VWA5B1: variants seen among roughly 807,000 people sequenced by gnomAD.
The protein encoded by VWA5B1 is von Willebrand factor A domain-containing protein 5B1.
VWA5B1 carries 115 observed loss-of-function variants against 118.2 expected under a neutral mutation model. The ratio of observed to expected loss-of-function variants is 0.97; its 90% CI spans 0.84 to 1.14. VWA5B1 has a LOEUF of 1.14. Ranked by LOEUF, VWA5B1 falls within the 50% of genes most tolerant of loss-of-function variation. The probability of loss-of-function intolerance (pLI) is 0.00; values close to 1 mark genes in which losing one functional copy is unlikely to be tolerated. For missense variants in VWA5B1, 1,596 were observed against 1,603.8 expected, an observed-to-expected ratio of 1.00 and a Z score of 0.08; for synonymous variants, 682 against 658.4, an observed-to-expected ratio of 1.04 and a Z score of -0.55.
At chr1:20,308,538 C>T (rs749468311) in intron 1 of VWA5B1, among the ~76,000 whole-genome samples, 5 of 152,106 alleles carry the variant, frequency 3.3e-5, no homozygotes, top group African/African-American at 9.7e-5. Flanking sequence ...AAATGAAGGC[C>T]GCCATCTTGT....
chr1:20,327,173 A>G (rs973664918), intron 8 of VWA5B1, among the ~76,000 whole-genome samples: 1 of 152,124 alleles, frequency 6.6e-6, no homozygotes, highest in Admixed American at 6.5e-5. Flanking sequence ...AGGCAAAGTG[A>G]CATGGCTTTG....
At chr1:20,327,665 T>C (rs566921818) in intron 8 of VWA5B1, among the ~76,000 whole-genome samples, 21 of 136,050 alleles carry the variant, frequency 1.5e-4, no homozygotes, top group Non-Finnish European at 2.9e-4. Flanking sequence ...ATGATGATGA[T>C]GGTGGTGGTG....
Position 20,354,175 on chromosome 1 carries a change from C to A in VWA5B1, c.3560C>A (p.Ala1187Asp). ...GGCCGCACGCAGGGCACACTCAAGGCCGCTGCCCGCCAGCTGTTTGTGCTT... is the reference window on the plus strand; with the variant it reads ...GGCCGCACGCAGGGCACACTCAAGGACGCTGCCCGCCAGCTGTTTGTGCTT... Reference protein sequence around the residue: ...PEGRTQGTLKAAARQLFVLLR... With the variant: ...PEGRTQGTLKDAARQLFVLLR... Residue 1187 changes from alanine (A) to aspartate (D), a missense_variant, in exon 22 of 22, where the codon GCC becomes GAC. Coordinates refer to ENST00000289815, the MANE Select transcript of VWA5B1 (RefSeq NM_001039500.3). The A allele has an allele frequency of 6.4e-7, 1 of 1,551,296 alleles. No individual in the cohort carries two copies. Among genetic ancestry groups the A allele is most frequent in the Non-Finnish European group, 8.7e-7 (1 of 1,146,998 alleles).
intron 16 of VWA5B1, among the ~76,000 whole-genome samples, chr1:20,344,711 T>G (rs1570216542): frequency 6.6e-6 from 1 of 152,318 alleles, no homozygotes; most frequent in East Asian, 1.9e-4. Context: ...GTTATATCAT[T>G]TCTTTGTCGT....
intron 17 of VWA5B1, among the ~76,000 whole-genome samples, chr1:20,346,546 T>C (rs991006542): frequency 6.6e-6 from 1 of 152,258 alleles, no homozygotes; most frequent in Non-Finnish European, 1.5e-5. Flanking sequence ...AGGATTGCAA[T>C]GTCAAGGGGA....
chr1:20,338,415 TC>T, intron 14 of VWA5B1: 1 of 221,896 alleles, frequency 4.5e-6, no homozygotes, highest in Non-Finnish European at 9.1e-6. Flanking sequence ...AGTGGTGCCA[TC>T]TCAGCTCACT....
At chr1:20,347,665 G>A (rs1331629035) in intron 17 of VWA5B1, among the ~76,000 whole-genome samples, 2 of 151,630 alleles carry the variant, frequency 1.3e-5, no homozygotes, top group African/African-American at 4.8e-5. Flanking sequence ...GCCTCGCTAT[G>A]TTACCCAGGC....
In VWA5B1 at chr1:20,318,697, G is replaced by T. The variant is rs1377289323; in HGVS notation, c.817G>T (p.Val273Leu). Residue 273 changes from valine (V) to leucine (L), a missense_variant, in exon 6 of 22, where the codon GTG (valine) becomes TTG (leucine). Physicochemically the swap from Val to Leu is conservative, Grantham distance 32 (BLOSUM62 1). Coordinates refer to ENST00000289815, the MANE Select transcript of VWA5B1 (RefSeq NM_001039500.3). ...LANKHTFDRP[V>L]EILIHPSEPH... ...CAACAAGCACACCTTTGACCGGCCTGTGGAGATCCTCATCCACCCCAGCGG... is the reference window on the plus strand; with the variant it reads ...CAACAAGCACACCTTTGACCGGCCTTTGGAGATCCTCATCCACCCCAGCGG... 2 of 1,521,758 alleles carry T rather than the reference G, an allele frequency of 1.3e-6. No homozygotes were observed. Among genetic ancestry groups the T allele is most frequent in the East Asian group, 2.5e-5 (1 of 40,474 alleles). The allele number at this position is 1,521,758 out of a possible 1,614,324, so 94.3% of individuals were successfully genotyped here.
At chr1:20,333,122 A>G (rs751851543) in intron 12 of VWA5B1, among the ~76,000 whole-genome samples, 171 bp downstream of exon 12, 5 of 152,262 alleles carry the variant, frequency 3.3e-5, no homozygotes, top group Non-Finnish European at 5.9e-5. Flanking sequence ...GGCCACAGGC[A>G]TTCAATCACA....
rs773094464 is a variant in VWA5B1 at position 20,353,806 on chromosome 1, G to C, written c.3191G>C (p.Cys1064Ser). 66 of 1,481,740 alleles carry C rather than the reference G, an allele frequency of 4.5e-5. No homozygotes were observed. Among genetic ancestry groups the C allele is most frequent in the Non-Finnish European group, 5.7e-5 (64 of 1,113,584 alleles). 91.8% of individuals were successfully genotyped at this position (1,481,740 alleles called of 1,614,324 possible). A position where few individuals can be genotyped will look rare whatever the true frequency, so the allele number is the denominator to read the frequency against. ...GCCTTCCTGCTCAACGAAGCCTTCT[G>C]TGAGGCCACGCACATCCCCATGGAG... ...SGAFLLNEAF[C>S]EATHIPMEKL... The change falls in exon 22 of 22, where the codon TGT (cysteine) becomes TCT (serine). Residue 1064 changes from cysteine (C) to serine (S), a missense_variant. Transcript: ENST00000289815.
At chr1:20,352,003 G>T (rs2101024402) in intron 20 of VWA5B1, 52 bp from the exon 21 acceptor site, 2 of 1,423,782 alleles carry the variant, frequency 1.4e-6, no homozygotes, top group Non-Finnish European at 1.9e-6. Flanking sequence ...GGGGCTTCTG[G>T]GTGGGCACTG....
At chr1:20,319,056 G>T (rs1384743694) in intron 6 of VWA5B1, among the ~76,000 whole-genome samples, 1 of 152,192 alleles carries the variant, frequency 6.6e-6, no homozygotes, top group Non-Finnish European at 1.5e-5. Context: ...TAGCCTCAAG[G>T]AGAAATTCTT....
chr1:20,340,104 C>G (rs2089834826), intron 14 of VWA5B1, among the ~76,000 whole-genome samples: 1 of 152,008 alleles, frequency 6.6e-6, no homozygotes, highest in African/African-American at 2.4e-5. Context: ...GCTCTTCAGA[C>G]CCATCTCTGC....
intron 1 of VWA5B1, among the ~76,000 whole-genome samples, chr1:20,307,235 C>T (rs980388643): frequency 2.0e-5 from 3 of 152,208 alleles, no homozygotes; most frequent in Admixed American, 6.5e-5. Flanking sequence ...CACCCTGACC[C>T]GGAGATGCCA....
At chr1:20,318,388 C>T (rs2100868029) in intron 5 of VWA5B1, 2 of 708,156 alleles carry the variant, frequency 2.8e-6, no homozygotes, top group South Asian at 3.4e-5. Flanking sequence ...CAGGAAGAGT[C>T]ATCAGACACC....
chr1:20,333,092 T>C, intron 12 of VWA5B1, 141 bp downstream of exon 12: 1 of 1,100,062 alleles, frequency 9.1e-7, no homozygotes, highest in Admixed American at 2.6e-5. Flanking sequence ...GTTTTCCCAG[T>C]TGTGGGTTTA....
chr1:20,299,641 C>T (rs183315741), intron 1 of VWA5B1, among the ~76,000 whole-genome samples: 232 of 152,316 alleles, frequency 1.5e-3, no homozygotes, highest in Non-Finnish European at 2.5e-3. Context: ...TGAACTTAAG[C>T]GATCCACGCA....
chr1:20,320,274 C>G (rs1374605277), intron 7 of VWA5B1, among the ~76,000 whole-genome samples: 1 of 152,190 alleles, frequency 6.6e-6, no homozygotes, highest in Non-Finnish European at 1.5e-5. Flanking sequence ...ATTTGGTGAC[C>G]AGGAGGCTAA....
chr1:20,309,956 T>TGTGTGTGTG (rs1557834427), intron 1 of VWA5B1, among the ~76,000 whole-genome samples: 1 of 116,900 alleles, frequency 8.6e-6, no homozygotes, highest in Non-Finnish European at 1.8e-5. Flanking sequence ...TGTGTGTGTG[T>TGTGTGTGTG]TGCGGGCGTG....
Sources: gnomAD v4.1 joint callset for allele counts (sites outside exome capture counted in the v4.1 genomes callset) on GRCh38, gnomAD v4.1.1 for gene constraint, MANE v1.5 for transcripts, NCBI Gene and HGNC (gene_info 2026-07-23, HGNC 2026-07-21) for gene names.